The following GNAQ variants were observed in gnomAD, a reference collection of about 807,000 sequenced individuals.
GNAQ encodes guanine nucleotide-binding protein G(q) subunit alpha.
In GNAQ, 8 loss-of-function variants were observed where a neutral mutation model predicts 43.9. The ratio of observed to expected loss-of-function variants is 0.18; its 90% CI spans 0.11 to 0.33. The LOEUF (loss-of-function observed/expected upper bound fraction) is 0.33, where lower values mean the gene tolerates loss of function less well. Ranked by LOEUF, GNAQ falls within the 10% of genes least tolerant of loss-of-function variation. The pLI is 1.00. For synonymous variants in GNAQ, 155 were observed against 170.7 expected (o/e 0.91, Z 0.71); for missense variants, 158 against 450.8 (o/e 0.35, Z 5.88).
rs532114417 is a variant in GNAQ at position 77,863,087 on chromosome 9, T to C, written c.322-47317A>G. 4.5e-3 allele frequency among the ~76,000 whole-genome samples: 678 copies of C among 152,090 alleles called. 5 individuals carry two copies. The highest frequency in any genetic ancestry group is 0.016 in the African/African-American group (654 of 41,492). Reference sequence around the variant, plus strand: ...TACTTGGGAGGCAGAGGCAGGAGAATTGCTTGAACCCGGGAGGCAGAAGTT... The same window carrying C: ...TACTTGGGAGGCAGAGGCAGGAGAACTGCTTGAACCCGGGAGGCAGAAGTT... On this transcript the variant is annotated intron_variant, in intron 2 of 6. Coordinates refer to ENST00000286548, the MANE Select transcript of GNAQ (RefSeq NM_002072.5).
chr9:77,947,222 T>C (rs144063265), intron 1 of GNAQ, among the ~76,000 whole-genome samples: 178 of 152,332 alleles, frequency 1.2e-3, no homozygotes, highest in African/African-American at 4.1e-3. Context: ...AAGAAAGACA[T>C]TTATTTACTG....
rs185812543 is a variant in GNAQ at position 77,908,514 on chromosome 9, A to T, written c.321+13647T>A. On this transcript the variant is annotated intron_variant, in intron 2 of 6. Transcript: ENST00000286548. Reference sequence around the variant, plus strand: ...AGCACTTTCTGGGAAGAATTCAACAACCATTTAGTAGACACTGACTATGTT... The same window carrying T: ...AGCACTTTCTGGGAAGAATTCAACATCCATTTAGTAGACACTGACTATGTT... Among the ~76,000 whole-genome samples, 40 of 152,302 alleles carry T rather than the reference A, an allele frequency of 2.6e-4. 1 individual carries two copies. Among genetic ancestry groups the T allele is most frequent in the Admixed American group, 2.4e-3 (36 of 15,302 alleles).
intron 2 of GNAQ, among the ~76,000 whole-genome samples, chr9:77,910,322 C>T (rs1280257743): frequency 6.6e-6 from 1 of 152,184 alleles, no homozygotes; most frequent in East Asian, 1.9e-4. Flanking sequence ...CAAATATATT[C>T]TGCCTAACTG....
intron 5 of GNAQ, among the ~76,000 whole-genome samples, chr9:77,782,126 A>G (rs1302842645): frequency 6.6e-6 from 1 of 152,142 alleles, no homozygotes; most frequent in Non-Finnish European, 1.5e-5. Flanking sequence ...ACATGTATAC[A>G]TATGTAACTA....
chr9:77,878,807 A>G (rs1273014228), intron 2 of GNAQ, among the ~76,000 whole-genome samples: 2 of 152,112 alleles, frequency 1.3e-5, no homozygotes, highest in Non-Finnish European at 2.9e-5. Flanking sequence ...GCACTTTGGG[A>G]GGCCAAGGTG....
intron 5 of GNAQ, among the ~76,000 whole-genome samples, chr9:77,731,131 G>T (rs1394224080): frequency 4.6e-5 from 7 of 152,146 alleles, no homozygotes. Context: ...CAAGGGAAGG[G>T]GTCCTAGTAG....
At chr9:77,916,094 T>C (rs931420052) in intron 2 of GNAQ, among the ~76,000 whole-genome samples, 4 of 152,186 alleles carry the variant, frequency 2.6e-5, no homozygotes, top group African/African-American at 9.7e-5. Context: ...ATTTCACAGA[T>C]GAGTTCTCTG....
chr9:77,785,274 G>A (rs937128714), intron 5 of GNAQ, among the ~76,000 whole-genome samples: 8 of 152,172 alleles, frequency 5.3e-5, no homozygotes, highest in Admixed American at 5.2e-4. Flanking sequence ...TAGGAGTTGT[G>A]CAGCCACAAG....
intron 2 of GNAQ, among the ~76,000 whole-genome samples, chr9:77,864,760 G>C (rs1389410736): frequency 6.6e-6 from 1 of 152,172 alleles, no homozygotes; most frequent in Non-Finnish European, 1.5e-5. Context: ...TAAACTTGTG[G>C]TAATACGTTA....
At chr9:77,825,963 C>A (rs911157407) in intron 2 of GNAQ, among the ~76,000 whole-genome samples, 10 of 151,964 alleles carry the variant, frequency 6.6e-5, no homozygotes, top group African/African-American at 1.9e-4. Flanking sequence ...GGGTCAATAT[C>A]TAAAATTAAG....
chr9:77,837,644 T>C (rs1418473577), intron 2 of GNAQ, among the ~76,000 whole-genome samples: 1 of 113,690 alleles, frequency 8.8e-6, no homozygotes, highest in East Asian at 2.4e-4. Flanking sequence ...AAAAAGGGAA[T>C]AAAATTATTC....
rs1205894185 is a variant in GNAQ, at chr9:77,720,765, A to T, written c.*558T>A. 4.3e-6 allele frequency: 1 copy of T among 233,430 alleles called. No individual in the cohort carries two copies. The highest frequency in any genetic ancestry group is 5.6e-5 in the Admixed American group (1 of 17,772). The allele number at this position is 233,430 out of a possible 1,614,324, so 14.5% of individuals were successfully genotyped here. ...GTGTATCCAAAGCAACACATTTAAAACCGTAAGTATTAATACATATAATCC... is the reference window on the plus strand; with the variant it reads ...GTGTATCCAAAGCAACACATTTAAATCCGTAAGTATTAATACATATAATCC... On this transcript the variant is annotated 3_prime_UTR_variant, in exon 7 of 7. Coordinates refer to ENST00000286548, the MANE Select transcript of GNAQ (RefSeq NM_002072.5).
intron 5 of GNAQ, among the ~76,000 whole-genome samples, chr9:77,761,689 C>A (rs1267259775): frequency 3.5e-5 from 3 of 84,666 alleles, no homozygotes; most frequent in East Asian, 4.3e-4. Context: ...GTCAGCCCCC[C>A]ACCCGGCCAG....
At chr9:77,763,637 A>G (rs548063997) in intron 5 of GNAQ, among the ~76,000 whole-genome samples, 9 of 152,248 alleles carry the variant, frequency 5.9e-5, no homozygotes, top group Non-Finnish European at 1.2e-4. Flanking sequence ...GTGTGAAGAG[A>G]TATTATTTAC....
chr9:77,995,284 T>C (rs976554297), intron 1 of GNAQ, among the ~76,000 whole-genome samples: 17 of 152,310 alleles, frequency 1.1e-4, no homozygotes, highest in Non-Finnish European at 1.6e-4. Context: ...TCTGGTTCTA[T>C]GACCGTAAGG....
chr9:78,031,039 C>G lies in GNAQ; in HGVS notation c.136+61G>C, dbSNP rs886179848. On this transcript the variant is annotated intron_variant, in intron 1 of 6. Coordinates refer to ENST00000286548, the MANE Select transcript of GNAQ (RefSeq NM_002072.5). ...GGGGGCGCCGAAGGCAGCTGCCCCG[C>G]AGGGCCAAGGATGGTGGGCTGGGGG... 1.1e-5 allele frequency: 13 copies of G among 1,234,466 alleles called. No individual in the cohort carries two copies. In the African/African-American group the frequency reaches 1.7e-4, roughly 16 times the overall value. 76.5% of individuals were successfully genotyped at this position (1,234,466 alleles called of 1,614,324 possible).
intron 2 of GNAQ, among the ~76,000 whole-genome samples, chr9:77,878,641 A>G (rs1020517253): frequency 1.3e-5 from 2 of 149,230 alleles, no homozygotes; most frequent in African/African-American, 4.9e-5. Context: ...AAGGTTCCTG[A>G]AAAAAAAAAG....
chr9:77,892,867 C>G (rs149769717), intron 2 of GNAQ, among the ~76,000 whole-genome samples: 1 of 152,092 alleles, frequency 6.6e-6, no homozygotes, highest in Admixed American at 6.6e-5. Flanking sequence ...AAACAAGAAG[C>G]TCCTCAAAGT....
At chr9:77,970,429 C>T (rs979689191) in intron 1 of GNAQ, among the ~76,000 whole-genome samples, 3 of 152,098 alleles carry the variant, frequency 2.0e-5, no homozygotes, top group Non-Finnish European at 4.4e-5. Flanking sequence ...AAGAGAGGCA[C>T]CTATGGCTTT....
Sources: allele counts gnomAD v4.1 joint callset (sites outside exome capture counted in the v4.1 genomes callset), GRCh38; gene constraint gnomAD v4.1.1; transcripts MANE v1.5; gene names NCBI Gene and HGNC (gene_info 2026-07-23, HGNC 2026-07-21).